The following HIVEP3 variants were observed in gnomAD, a reference collection of about 807,000 sequenced individuals.
HIVEP3 encodes HIVEP zinc finger 3.
In HIVEP3, 49 loss-of-function variants were observed where a neutral mutation model predicts 152.8. The ratio of observed to expected loss-of-function variants is 0.32; its 90% CI spans 0.26 to 0.41. The LOEUF (loss-of-function observed/expected upper bound fraction) is 0.41. HIVEP3 is among the 10% of genes least tolerant of loss of function. HIVEP3 has a pLI of 1.00. For synonymous variants in HIVEP3, 1,269 were observed against 1,289.0 expected (o/e 0.98, Z 0.33); for missense variants, 2,790 against 3,103.3 (o/e 0.90, Z 2.40).
chr1:42,035,614 G>T (rs1164176995), intron 1 of HIVEP3, among the ~76,000 whole-genome samples: 1 of 152,038 alleles, frequency 6.6e-6, no homozygotes, highest in African/African-American at 2.4e-5. Context: ...GAGGCCAGAC[G>T]GGGGACCCCA....
chr1:41,627,963 T>G (rs1645141880), intron 3 of HIVEP3, among the ~76,000 whole-genome samples: 1 of 149,244 alleles, frequency 6.7e-6, no homozygotes. Context: ...TGATTCTGGC[T>G]CTCCACACCA....
chr1:41,978,752 C>T (rs1645276553), intron 1 of HIVEP3, among the ~76,000 whole-genome samples: 1 of 152,076 alleles, frequency 6.6e-6, no homozygotes, highest in African/African-American at 2.4e-5. Flanking sequence ...AGAGACAGAG[C>T]CATGGAGGAG....
intron 1 of HIVEP3, among the ~76,000 whole-genome samples, chr1:41,834,175 A>C (rs1029427612): frequency 1.3e-5 from 2 of 152,202 alleles, no homozygotes; most frequent in African/African-American, 4.8e-5. Context: ...AATGGGTCAG[A>C]GAAGTATGAA....
intron 1 of HIVEP3, among the ~76,000 whole-genome samples, chr1:41,802,033 C>T (rs1650339295): frequency 6.6e-6 from 1 of 152,160 alleles, no homozygotes; most frequent in African/African-American, 2.4e-5. Context: ...AATGTAAATG[C>T]CATGGCGGCT....
chr1:41,607,727 T>C (rs1644841328), intron 3 of HIVEP3, among the ~76,000 whole-genome samples: 1 of 152,252 alleles, frequency 6.6e-6, no homozygotes, highest in Non-Finnish European at 1.5e-5. Flanking sequence ...TGTATTAGGA[T>C]ACAGGTTCTA....
At chr1:41,763,779 G>A (rs1353834467) in intron 1 of HIVEP3, among the ~76,000 whole-genome samples, 6 of 152,196 alleles carry the variant, frequency 3.9e-5, no homozygotes, top group Non-Finnish European at 8.8e-5. Flanking sequence ...ACAGAATGAC[G>A]ATAACTACAA....
chr1:41,550,295 G>T (rs1324832987), intron 5 of HIVEP3, among the ~76,000 whole-genome samples: 1 of 152,176 alleles, frequency 6.6e-6, no homozygotes, highest in African/African-American at 2.4e-5. Context: ...AGTATACTTT[G>T]AAGTCAGGTA....
chr1:41,989,548 G>T (rs145265874), intron 1 of HIVEP3, among the ~76,000 whole-genome samples: 32 of 152,268 alleles, frequency 2.1e-4, no homozygotes, highest in Admixed American at 1.6e-3. Context: ...TCTGAAGAGA[G>T]TTAAGAAGTT....
rs532808373 is a variant in HIVEP3 at position 41,588,724 on chromosome 1, C to T, written c.-521-3406G>A. 3.1e-4 allele frequency among the ~76,000 whole-genome samples: 47 copies of T among 152,272 alleles called. No individual in the cohort carries two copies. In the East Asian group the frequency reaches 4.6e-3, roughly 15 times the overall value. ...ACAGGAGCACCGTTGGCTGCCAGGG[C>T]GCAGAGTGAGCGAGGCCTGTGAGCT... On this transcript the variant is annotated intron_variant, in intron 3 of 8. Coordinates refer to ENST00000372583, the MANE Select transcript of HIVEP3 (RefSeq NM_024503.5).
intron 1 of HIVEP3, among the ~76,000 whole-genome samples, chr1:41,807,344 G>C (rs188179833): frequency 6.6e-6 from 1 of 152,166 alleles, no homozygotes; most frequent in African/African-American, 2.4e-5. Flanking sequence ...CCTTGAGGTA[G>C]ATCCTGGGAC....
intron 5 of HIVEP3, among the ~76,000 whole-genome samples, chr1:41,537,561 A>G (rs1643430347): frequency 6.6e-6 from 1 of 152,230 alleles, no homozygotes; most frequent in African/African-American, 2.4e-5. Flanking sequence ...AGTGAAACTC[A>G]CAGAAGAATG....
intron 1 of HIVEP3, among the ~76,000 whole-genome samples, chr1:42,021,940 C>T (rs1645557015): frequency 6.6e-6 from 1 of 152,158 alleles, no homozygotes; most frequent in Non-Finnish European, 1.5e-5. Flanking sequence ...ATGGGGTCAC[C>T]TGGATGCAGT....
chr1:41,517,993 G>A (rs1486636764), intron 7 of HIVEP3, among the ~76,000 whole-genome samples: 2 of 152,206 alleles, frequency 1.3e-5, no homozygotes, highest in African/African-American at 4.8e-5. Flanking sequence ...TCACTATGAG[G>A]GGTTGGCTGG....
At chr1:41,555,566 C>T (rs543215342) in intron 5 of HIVEP3, among the ~76,000 whole-genome samples, 34 of 152,292 alleles carry the variant, frequency 2.2e-4, no homozygotes, top group African/African-American at 7.2e-4. Context: ...AGAAATCACC[C>T]GTCTTCTGCG....
At chr1:41,545,101 T>TCAC (rs1470025789) in intron 5 of HIVEP3, among the ~76,000 whole-genome samples, 4 of 67,976 alleles carry the variant, frequency 5.9e-5, no homozygotes, top group African/African-American at 1.2e-4. Flanking sequence ...ATCGCTACCA[T>TCAC]CACCACCACC....
intron 5 of HIVEP3, among the ~76,000 whole-genome samples, chr1:41,528,775 A>C: frequency 2.1e-5 from 2 of 95,178 alleles, no homozygotes; most frequent in Admixed American, 1.1e-4. Flanking sequence ...ACCTTCACAC[A>C]CTCCACACCC....
At chr1:41,711,718 G>A (rs930354662) in intron 1 of HIVEP3, among the ~76,000 whole-genome samples, 7 of 152,258 alleles carry the variant, frequency 4.6e-5, no homozygotes, top group Admixed American at 2.0e-4. Context: ...GCTGTCTCCC[G>A]ATGCCAGAGA....
At chr1:41,535,562 A>G (rs1029809629) in intron 5 of HIVEP3, 13 of 152,244 alleles carry the variant, frequency 8.5e-5, no homozygotes. Flanking sequence ...AATTTCTCCC[A>G]GTGTCTGGAA....
At chr1:41,753,090 G>A (rs181585733) in intron 1 of HIVEP3, among the ~76,000 whole-genome samples, 2 of 152,324 alleles carry the variant, frequency 1.3e-5, no homozygotes, top group East Asian at 1.9e-4. Context: ...AAAAACTCAC[G>A]TGAGAACAGT....
Sources: gnomAD v4.1 joint callset for allele counts (sites outside exome capture counted in the v4.1 genomes callset) on GRCh38, gnomAD v4.1.1 for gene constraint, MANE v1.5 for transcripts, NCBI Gene and HGNC (gene_info 2026-07-23, HGNC 2026-07-21) for gene names.